The following GAB1 variants were observed in gnomAD, a reference collection of about 807,000 sequenced individuals.
GAB1 encodes the protein GRB2-associated-binding protein 1.
GAB1 carries 19 observed loss-of-function variants against 66.5 expected under a neutral mutation model. That is an observed-to-expected ratio of 0.29 (90% CI 0.20 to 0.42). GAB1 has a LOEUF of 0.42. GAB1 is among the 10% of genes least tolerant of loss of function. The pLI is 1.00. For synonymous variants in GAB1, 294 were observed against 301.4 expected (o/e 0.98, Z 0.25); for missense variants, 732 against 858.5 (o/e 0.85, Z 1.84).
intron 1 of GAB1, among the ~76,000 whole-genome samples, chr4:143,387,448 C>G (rs1730971465): frequency 6.6e-6 from 1 of 152,152 alleles, no homozygotes; most frequent in Non-Finnish European, 1.5e-5. Flanking sequence ...GTTGAAGAAG[C>G]AATGTTCAGG....
chr4:143,365,300 A>G (rs1729837447), intron 1 of GAB1, among the ~76,000 whole-genome samples: 1 of 152,054 alleles, frequency 6.6e-6, no homozygotes, highest in African/African-American at 2.4e-5. Flanking sequence ...TCTCTTCATC[A>G]TACCCCTACT....
Position 143,373,886 on chromosome 4 carries a change from T to TATATATATATATATATATATATA in GAB1, c.72+36626_72+36627insATATATATATATATATATATATA, listed in dbSNP as rs1560726035. Among the ~76,000 whole-genome samples the TATATATATATATATATATATATA allele has an allele frequency of 1.2e-3, 148 of 128,168 alleles. 9 individuals carry two copies. The highest frequency in any genetic ancestry group is 1.6e-3 in the Non-Finnish European group (103 of 62,948). 84.1% of individuals were successfully genotyped at this position (128,168 alleles called of 152,430 possible). A position where few individuals can be genotyped will look rare whatever the true frequency, so the allele number is the denominator to read the frequency against. On this transcript the variant is annotated intron_variant, in intron 1 of 9. Coordinates refer to ENST00000262994, the MANE Select transcript of GAB1 (RefSeq NM_002039.4). ...ATAAATAAATATATATATATATATA[T>TATATATATATATATATATATATA]TTTTACCTTTCTAACATTGCAGGGA...
At chr4:143,423,866 T>C (rs1479865087) in intron 2 of GAB1, among the ~76,000 whole-genome samples, 2 of 138,470 alleles carry the variant, frequency 1.4e-5, no homozygotes, top group Admixed American at 7.7e-5. Flanking sequence ...AAGGATATTT[T>C]TTTTTTAAAA....
At position 143,473,267 on chromosome 4, in the gene GAB1, C is replaced by A. The variant is rs1187276133; in HGVS notation, c.*4078C>A. Reference sequence around the variant, plus strand: ...CTTTTGTAAAGGTCCCATTGTAGATCTTTTCTGCTACCAAATAAAACTTTT... The same window carrying A: ...CTTTTGTAAAGGTCCCATTGTAGATATTTTCTGCTACCAAATAAAACTTTT... On this transcript the variant is annotated 3_prime_UTR_variant, in exon 10 of 10. Coordinates refer to ENST00000262994, the MANE Select transcript of GAB1 (RefSeq NM_002039.4). The A allele has an allele frequency of 2.6e-5, 4 of 152,160 alleles. No homozygotes were observed. The highest frequency in any genetic ancestry group is 9.7e-5 in the African/African-American group (4 of 41,448). 9.4% of individuals were successfully genotyped at this position (152,160 alleles called of 1,614,324 possible).
chr4:143,404,150 C>G (rs538029130), intron 1 of GAB1, among the ~76,000 whole-genome samples: 110 of 152,244 alleles, frequency 7.2e-4, no homozygotes, highest in African/African-American at 2.3e-3. Context: ...AAATTCAAAA[C>G]AGTAGTTCTA....
intron 2 of GAB1, among the ~76,000 whole-genome samples, chr4:143,427,471 A>T (rs1033927808): frequency 1.3e-5 from 2 of 152,094 alleles, no homozygotes; most frequent in Non-Finnish European, 2.9e-5. Context: ...GGGTAAATAC[A>T]GCTAAAAAAT....
At chr4:143,365,169 G>T (rs766279093) in intron 1 of GAB1, among the ~76,000 whole-genome samples, 1 of 151,708 alleles carries the variant, frequency 6.6e-6, no homozygotes, top group Non-Finnish European at 1.5e-5. Flanking sequence ...GAGCCATCGC[G>T]CCCGGCCCTG....
At position 143,471,323 on chromosome 4, in the gene GAB1, A is replaced by C. The variant is rs1736070765; in HGVS notation, c.*2134A>C. The C allele has an allele frequency of 6.6e-6, 1 of 152,160 alleles. No individual in the cohort carries two copies. Among genetic ancestry groups the C allele is most frequent in the Non-Finnish European group, 1.5e-5 (1 of 68,002 alleles). The allele number at this position is 152,160 out of a possible 1,614,324, so 9.4% of individuals were successfully genotyped here. ...AATTTAAAAATGGTGATGTATTAGA[A>C]AGGCAGTTTGCTTTAGAAAACTAAA... On this transcript the variant is annotated 3_prime_UTR_variant, in exon 10 of 10. Transcript: ENST00000262994.
chr4:143,338,712 G>GGTGGGTGTGTGT (rs1553942245), intron 1 of GAB1, among the ~76,000 whole-genome samples: 3 of 149,180 alleles, frequency 2.0e-5, no homozygotes, highest in East Asian at 3.9e-4. Context: ...GAAAGGTAGG[G>GGTGGGTGTGTGT]GTGTGTGTGT....
chr4:143,390,456 G>C (rs1489064333), intron 1 of GAB1, among the ~76,000 whole-genome samples: 2 of 151,052 alleles, frequency 1.3e-5, no homozygotes, highest in Non-Finnish European at 2.9e-5. Flanking sequence ...GTAGTGGTTA[G>C]GTTTTTGACT....
chr4:143,409,992 A>G (rs1005091576), intron 1 of GAB1, among the ~76,000 whole-genome samples: 28 of 152,020 alleles, frequency 1.8e-4, no homozygotes, highest in African/African-American at 6.8e-4. Flanking sequence ...TGCCTATTCC[A>G]ATCTTCACCC....
intron 1 of GAB1, among the ~76,000 whole-genome samples, chr4:143,380,205 AT>A (rs954828274): frequency 1.4e-4 from 21 of 151,884 alleles, no homozygotes; most frequent in African/African-American, 5.1e-4. Context: ...AAACCCTGTT[AT>A]TTTTACATTC....
intron 1 of GAB1, 138 bp downstream of exon 1, chr4:143,337,398 C>A: frequency 4.1e-6 from 3 of 730,312 alleles, no homozygotes; most frequent in African/African-American, 3.6e-5. Flanking sequence ...TGGCCCCTAC[C>A]CCTGGCGGGC....
At chr4:143,376,629 C>T (rs1466874514) in intron 1 of GAB1, among the ~76,000 whole-genome samples, 3 of 152,132 alleles carry the variant, frequency 2.0e-5, no homozygotes, top group Non-Finnish European at 2.9e-5. Context: ...TTAATATTTC[C>T]TCTGTAGATT....
At chr4:143,382,474 G>A (rs1189252709) in intron 1 of GAB1, among the ~76,000 whole-genome samples, 1 of 152,106 alleles carries the variant, frequency 6.6e-6, no homozygotes, top group African/African-American at 2.4e-5. Flanking sequence ...TTTGGGACTT[G>A]GGGAAACTAT....
At chr4:143,399,090 G>C (rs1731612875) in intron 1 of GAB1, among the ~76,000 whole-genome samples, 1 of 152,102 alleles carries the variant, frequency 6.6e-6, no homozygotes, top group South Asian at 2.1e-4. Context: ...AAATACTGTG[G>C]AAATGATTTC....
Position 143,433,554 on chromosome 4 carries a change from C to T in GAB1, c.431C>T (p.Thr144Ile), listed in dbSNP as rs1371097473. The T allele has an allele frequency of 3.7e-6, 6 of 1,613,864 alleles. No individual in the cohort carries two copies. In the African/African-American group the frequency reaches 8.0e-5, roughly 22 times the overall value. ...GCTGATTTACCTTTAGCTATAAATA[C>T]AGCACCACCATCCACCCAGGCAGAT... The part of the protein sequence containing the change: ...APADLPLAIN[T>I]APPSTQADSS... Residue 144 changes from threonine to isoleucine, a missense_variant, in exon 3 of 10, where the codon ACA (threonine) becomes ATA (isoleucine). Thr to Ile is a moderately conservative substitution (Grantham distance 89, BLOSUM62 -1). This residue lies in a region of GAB1 where 427 missense variants were observed against 420.6 expected (regional missense o/e 1.02). Coordinates refer to ENST00000262994, the MANE Select transcript of GAB1 (RefSeq NM_002039.4).
At chr4:143,425,591 G>A in intron 2 of GAB1, 5 of 762,778 alleles carry the variant, frequency 6.6e-6, no homozygotes, top group Non-Finnish European at 9.6e-6. Context: ...GGGAAGTTCT[G>A]CGCGTGCGTG....
intron 1 of GAB1, among the ~76,000 whole-genome samples, chr4:143,340,172 T>C (rs1408579050): frequency 1.3e-5 from 2 of 152,218 alleles, no homozygotes; most frequent in African/African-American, 2.4e-5. Context: ...ATCAAAGATA[T>C]AGACATGTAT....
Sources: gnomAD v4.1 joint callset for allele counts (sites outside exome capture counted in the v4.1 genomes callset) on GRCh38, gnomAD v4.1.1 for gene constraint, gnomAD v4.1.1 regional missense constraint, MANE v1.5 for transcripts, NCBI Gene and HGNC (gene_info 2026-07-23, HGNC 2026-07-21) for gene names.